Variants in SUMF1 observed in about 807,000 individuals in gnomAD.
SUMF1 encodes sulfatase modifying factor 1, also known as formylglycine-generating enzyme.
A neutral mutation model predicts 47.6 loss-of-function variants in SUMF1; 48 were observed. The ratio of observed to expected loss-of-function variants is 1.01; its 90% confidence interval spans 0.80 to 1.28. The LOEUF (loss-of-function observed/expected upper bound fraction) is 1.28. Among genes scored for constraint, SUMF1 ranks in the 50% most tolerant of loss-of-function variants. SUMF1 has a pLI of 0.00. For missense variants in SUMF1, 571 were observed against 485.4 expected (o/e 1.18, Z -1.66); for synonymous variants, 230 against 192.1 (o/e 1.20, Z -1.63).
chr3:4,194,389 G>C (rs967564925), intron 8 of SUMF1, among the ~76,000 whole-genome samples: 2 of 152,136 alleles, frequency 1.3e-5, no homozygotes, highest in African/African-American at 4.8e-5. Flanking sequence ...GGCTAGTTAG[G>C]GGCGGAATCA....
At chr3:4,211,709 A>C (rs1695799239) in intron 8 of SUMF1, among the ~76,000 whole-genome samples, 1 of 152,156 alleles carries the variant, frequency 6.6e-6, no homozygotes, top group Non-Finnish European at 1.5e-5. Context: ...ACCACAATTA[A>C]ATATCACTTC....
At chr3:4,448,811 A>C (rs989604979) in intron 3 of SUMF1, among the ~76,000 whole-genome samples, 1 of 152,230 alleles carries the variant, frequency 6.6e-6, no homozygotes, top group Non-Finnish European at 1.5e-5. Flanking sequence ...CATTCAGAAC[A>C]AAGGGCTCCT....
intron 8 of SUMF1, chr3:4,229,263 A>T (rs1481581517): frequency 3.0e-6 from 1 of 333,660 alleles, no homozygotes; most frequent in Non-Finnish European, 5.9e-6. Flanking sequence ...CCACCCGGAC[A>T]ATCATCCTCC....
At chr3:4,445,644 C>T (rs561630932) in intron 3 of SUMF1, among the ~76,000 whole-genome samples, 1 of 152,218 alleles carries the variant, frequency 6.6e-6, no homozygotes, top group African/African-American at 2.4e-5. Context: ...CATGCCTGGC[C>T]ATAAAATATA....
chr3:4,417,242 T>A lies in SUMF1; in HGVS notation c.726A>T (p.Arg242Ser). ...GCAGTTTGTTGCCCCAGGGGAAAAG[T>A]CTGTCAGAAGAGACACAGGCATCAG... is the stretch of plus-strand genomic sequence containing the variant. ...EYSCRGGLHN[R>S]LFPWGNKLQP... Residue 242 changes from arginine (R) to serine (S), a missense_variant and splice_region_variant, in exon 6 of 9, where the codon AGA becomes AGT. Coordinates refer to ENST00000272902, the MANE Select transcript of SUMF1 (RefSeq NM_182760.4). 5 of 1,613,788 alleles carry A rather than the reference T, an allele frequency of 3.1e-6. No homozygotes were observed. The South Asian group carries it at 5.5e-5, about 18-fold the overall frequency.
intron 8 of SUMF1, among the ~76,000 whole-genome samples, chr3:4,127,055 A>C (rs1226664018): frequency 6.6e-6 from 1 of 152,198 alleles, no homozygotes; most frequent in African/African-American, 2.4e-5. Context: ...CCCATTTAAG[A>C]GGTCTCTCAC....
chr3:4,401,158 G>T (rs1007345420), intron 7 of SUMF1, among the ~76,000 whole-genome samples: 4 of 152,020 alleles, frequency 2.6e-5, no homozygotes, highest in Admixed American at 2.0e-4. Flanking sequence ...CATTTTTCAT[G>T]GCTGCACAGT....
chr3:4,466,472 T>A (rs1186094575), intron 1 of SUMF1, among the ~76,000 whole-genome samples: 1 of 152,044 alleles, frequency 6.6e-6, no homozygotes, highest in Non-Finnish European at 1.5e-5. Context: ...GACAGATAAA[T>A]AATAGCAATA....
At chr3:4,457,692 A>C (rs1179471376) in intron 1 of SUMF1, among the ~76,000 whole-genome samples, 1 of 152,242 alleles carries the variant, frequency 6.6e-6, no homozygotes, top group African/African-American at 2.4e-5. Flanking sequence ...ATCCACATGT[A>C]GAAGAATGAA....
rs189658166 is a variant in SUMF1 at position 4,368,856 on chromosome 3, A to G, written c.1015-6602T>C. 3.4e-3 allele frequency among the ~76,000 whole-genome samples: 518 copies of G among 152,304 alleles called. 2 individuals are homozygous for G. Among genetic ancestry groups the G allele is most frequent in the South Asian group, 0.013 (63 of 4,826 alleles). On this transcript the variant is annotated intron_variant, in intron 8 of 8. Transcript: ENST00000272902. ...GTGCCCTAGGATTGTTCTCCGATCC[A>G]AAAAAACGGAGAATAAAAATAAACT...
chr3:4,076,771 G>A (rs1383567907), intron 8 of SUMF1, among the ~76,000 whole-genome samples: 11 of 152,178 alleles, frequency 7.2e-5, no homozygotes, highest in African/African-American at 1.2e-4. Flanking sequence ...AGACCGAGGC[G>A]GGCGGATCAG....
At chr3:4,041,722 G>T (rs757903674) in intron 9 of SUMF1, among the ~76,000 whole-genome samples, 2 of 152,132 alleles carry the variant, frequency 1.3e-5, no homozygotes, top group Admixed American at 6.5e-5. Flanking sequence ...ATCTTGTAAG[G>T]CACAGGCATA....
chr3:4,089,300 A>G (rs545122708), intron 8 of SUMF1, among the ~76,000 whole-genome samples: 7 of 152,270 alleles, frequency 4.6e-5, no homozygotes, highest in Non-Finnish European at 8.8e-5. Flanking sequence ...GTTACTCATA[A>G]TACAACTCTC....
chr3:4,348,673 T>G (rs1478563884), intron 8 of SUMF1, among the ~76,000 whole-genome samples: 1 of 150,860 alleles, frequency 6.6e-6, no homozygotes, highest in Non-Finnish European at 1.5e-5. Context: ...GAGGCCAGCC[T>G]GACCAACATG....
intron 7 of SUMF1, among the ~76,000 whole-genome samples, chr3:4,406,043 C>G (rs1701364742): frequency 6.6e-6 from 1 of 151,922 alleles, no homozygotes; most frequent in African/African-American, 2.4e-5. Flanking sequence ...TTTTCCCTGC[C>G]TCGCCCCACA....
chr3:4,367,201 A>C (rs374469620), intron 8 of SUMF1, among the ~76,000 whole-genome samples: 1 of 152,144 alleles, frequency 6.6e-6, no homozygotes, highest in Non-Finnish European at 1.5e-5. Context: ...CAGTCTGCCC[A>C]TTCTCAGATC....
intron 8 of SUMF1, among the ~76,000 whole-genome samples, chr3:4,290,113 A>G (rs1341811443): frequency 1.3e-5 from 2 of 152,216 alleles, no homozygotes; most frequent in Admixed American, 1.3e-4. Flanking sequence ...TCACAATGAA[A>G]CTTAAAAGAC....
At chr3:4,311,365 A>G (rs955571665) in intron 8 of SUMF1, among the ~76,000 whole-genome samples, 6 of 152,224 alleles carry the variant, frequency 3.9e-5, no homozygotes, top group African/African-American at 1.4e-4. Flanking sequence ...ACATTCCTTC[A>G]GGTGCTTTAA....
chr3:4,467,268 C>A lies in SUMF1; in HGVS notation c.-23G>T. On this transcript the variant is annotated 5_prime_UTR_variant, in exon 1 of 9. Transcript: ENST00000272902. ...CATGTTGTCCCGCGGGCCATGTGAC[C>A]CGGTTGGTCACGTGGCTGAGCCCTC... 3 of 1,601,974 alleles carry A rather than the reference C, an allele frequency of 1.9e-6. No individual in the cohort carries two copies. The highest frequency in any genetic ancestry group is 1.7e-6 in the Non-Finnish European group (2 of 1,175,026).
Sources: allele counts gnomAD v4.1 joint callset (sites outside exome capture counted in the v4.1 genomes callset), GRCh38; gene constraint gnomAD v4.1.1; transcripts MANE v1.5; gene names NCBI Gene and HGNC (gene_info 2026-07-23, HGNC 2026-07-21).